RBFOX1: variants seen among roughly 807,000 people sequenced by gnomAD.
RBFOX1 encodes the protein RNA binding fox-1 homolog 1, also known as RNA binding protein fox-1 homolog 1.
RBFOX1 carries 8 observed loss-of-function variants against 57.7 expected under a neutral mutation model. The observed-to-expected ratio is 0.14, with a 90% CI of 0.08 to 0.25. The LOEUF is 0.25. RBFOX1 is among the 10% of genes least tolerant of loss of function. The pLI, the probability that RBFOX1 is intolerant of heterozygous loss-of-function variation, is 1.00. For synonymous variants in RBFOX1, 326 were observed against 222.4 expected, an observed-to-expected ratio of 1.47 and a Z score of -4.15; for missense variants, 611 against 548.5, an observed-to-expected ratio of 1.11 and a Z score of -1.14.
At chr16:5,334,467 C>G (rs1032914388) in intron 1 of RBFOX1, among the ~76,000 whole-genome samples, 3 of 151,962 alleles carry the variant, frequency 2.0e-5, no homozygotes, top group African/African-American at 7.3e-5. Context: ...AGGTCCATAT[C>G]TTTTCAGAAG....
intron 4 of RBFOX1, among the ~76,000 whole-genome samples, chr16:5,910,266 T>A (rs1475431008): frequency 1.3e-5 from 2 of 152,022 alleles, no homozygotes; most frequent in Non-Finnish European, 1.5e-5. Context: ...CAGGCCAGTC[T>A]CAGGGAGAAG....
intron 4 of RBFOX1, among the ~76,000 whole-genome samples, chr16:7,160,518 TA>T (rs1053019669): frequency 1.3e-5 from 2 of 152,292 alleles, no homozygotes; most frequent in South Asian, 2.1e-4. Context: ...CTGTTATACA[TA>T]TTTTTTTATT....
At chr16:6,201,894 G>A (rs904904992) in intron 1 of RBFOX1, among the ~76,000 whole-genome samples, 15 of 152,066 alleles carry the variant, frequency 9.9e-5, no homozygotes, top group African/African-American at 2.9e-4. Flanking sequence ...TTCAAAACAA[G>A]CATTATGGAA....
intron 4 of RBFOX1, among the ~76,000 whole-genome samples, chr16:7,353,821 G>T (rs774020591): frequency 6.6e-6 from 1 of 152,112 alleles, no homozygotes; most frequent in African/African-American, 2.4e-5. Flanking sequence ...TATGGGAAGC[G>T]ATCCTTTTAT....
chr16:7,186,994 CAAAA>C (rs35177784), intron 4 of RBFOX1, among the ~76,000 whole-genome samples: 26 of 69,262 alleles, frequency 3.8e-4, no homozygotes, highest in Admixed American at 1.3e-3. Context: ...CCCACCTCCA[CAAAA>C]AAAAAAAAAA....
intron 1 of RBFOX1, among the ~76,000 whole-genome samples, chr16:5,409,089 G>A (rs944904034): frequency 5.9e-5 from 9 of 152,230 alleles, no homozygotes; most frequent in African/African-American, 1.7e-4. Flanking sequence ...GGTAGGGTGG[G>A]CATAATTTCT....
chr16:7,378,461 C>T (rs1338412591), intron 4 of RBFOX1, among the ~76,000 whole-genome samples: 3 of 152,154 alleles, frequency 2.0e-5, no homozygotes, highest in African/African-American at 7.2e-5. Context: ...CTGCTGTCTT[C>T]CAAGCCTTCT....
At chr16:6,763,779 TA>T (rs1277270962) in intron 3 of RBFOX1, among the ~76,000 whole-genome samples, 5 of 152,254 alleles carry the variant, frequency 3.3e-5, no homozygotes, top group Admixed American at 6.5e-5. Context: ...ATTAAATGTT[TA>T]AATGTGTTCA....
chr16:5,900,036 C>T (rs996952683), intron 4 of RBFOX1, among the ~76,000 whole-genome samples: 1 of 152,198 alleles, frequency 6.6e-6, no homozygotes, highest in Non-Finnish European at 1.5e-5. Context: ...CGAGATTGTG[C>T]CACTGCACTC....
intron 2 of RBFOX1, among the ~76,000 whole-genome samples, chr16:6,415,990 G>T (rs963729738): frequency 1.3e-5 from 2 of 152,194 alleles, no homozygotes; most frequent in African/African-American, 4.8e-5. Flanking sequence ...GTTAACACCT[G>T]CCAGCGTTGT....
At chr16:7,164,661 C>G (rs145060676) in intron 4 of RBFOX1, among the ~76,000 whole-genome samples, 1 of 152,204 alleles carries the variant, frequency 6.6e-6, no homozygotes, top group South Asian at 2.1e-4. Context: ...CAAACACACA[C>G]AATGACATTT....
chr16:6,761,214 A>G (rs2076549668), intron 3 of RBFOX1, among the ~76,000 whole-genome samples: 1 of 152,164 alleles, frequency 6.6e-6, no homozygotes, highest in South Asian at 2.1e-4. Context: ...TGAGCAATAA[A>G]TTTGAAGCCC....
At chr16:6,420,906 C>T (rs546582834) in intron 2 of RBFOX1, among the ~76,000 whole-genome samples, 1 of 152,274 alleles carries the variant, frequency 6.6e-6, no homozygotes, top group Admixed American at 6.5e-5. Flanking sequence ...AAAGGCTAGA[C>T]CTGCATCAAA....
At chr16:5,856,187 C>A (rs572908044) in intron 3 of RBFOX1, among the ~76,000 whole-genome samples, 8,699 of 30,538 alleles carry the variant, frequency 0.28, 1,563 homozygotes, top group African/African-American at 0.42. Context: ...CTCTCTCTCT[C>A]TATATATATA....
intron 2 of RBFOX1, among the ~76,000 whole-genome samples, chr16:5,531,480 G>T (rs1479981977): frequency 6.6e-6 from 1 of 152,132 alleles, no homozygotes; most frequent in African/African-American, 2.4e-5. Context: ...CTCTTTATTT[G>T]TTAAGTACCT....
intron 10 of RBFOX1, among the ~76,000 whole-genome samples, chr16:7,628,995 A>C (rs558556494): frequency 6.6e-6 from 1 of 152,208 alleles, no homozygotes; most frequent in Non-Finnish European, 1.5e-5. Flanking sequence ...GACTCTTGAT[A>C]TATTTACTAC....
chr16:7,619,901 C>T (rs892508056), intron 10 of RBFOX1, among the ~76,000 whole-genome samples: 4 of 152,324 alleles, frequency 2.6e-5, no homozygotes, highest in South Asian at 4.1e-4. Flanking sequence ...CCTTTGCCTA[C>T]AGTGGCTCTG....
intron 3 of RBFOX1, among the ~76,000 whole-genome samples, chr16:6,872,199 C>T (rs1354637769): frequency 6.6e-6 from 1 of 152,130 alleles, no homozygotes; most frequent in Non-Finnish European, 1.5e-5. Flanking sequence ...AACTTGTGCT[C>T]AGCACCTAGC....
intron 2 of RBFOX1, among the ~76,000 whole-genome samples, chr16:6,338,578 A>G (rs78969807): frequency 6.6e-6 from 1 of 152,218 alleles, no homozygotes; most frequent in Non-Finnish European, 1.5e-5. Flanking sequence ...AAACTTGGTC[A>G]CTGGATGAAA....
Sources: allele counts gnomAD v4.1 joint callset (sites outside exome capture counted in the v4.1 genomes callset), GRCh38; gene constraint gnomAD v4.1.1; transcripts MANE v1.5; gene names NCBI Gene and HGNC (gene_info 2026-07-23, HGNC 2026-07-21).